UBA6: variants seen among roughly 807,000 people sequenced by gnomAD.
UBA6 encodes the protein ubiquitin-like modifier-activating enzyme 6.
A neutral mutation model predicts 148.3 loss-of-function variants in UBA6; 87 were observed. That is an observed-to-expected ratio of 0.59 (90% CI 0.49 to 0.70). The LOEUF (loss-of-function observed/expected upper bound fraction) is 0.70, where lower values mean the gene tolerates loss of function less well. Ranked by LOEUF, UBA6 falls within the 30% of genes least tolerant of loss-of-function variation. UBA6 has a pLI of 0.00. For synonymous variants in UBA6, 376 were observed against 401.0 expected (o/e 0.94, Z 0.75); for missense variants, 1,186 against 1,241.2 (o/e 0.96, Z 0.67).
chr4:67,681,524 G>A (rs1027759864), intron 4 of UBA6, 39 bp downstream of exon 4: 7 of 1,437,886 alleles, frequency 4.9e-6, no homozygotes, highest in Non-Finnish European at 6.6e-6. Flanking sequence ...CAAAAAAAAA[G>A]GCTCATAACA....
chr4:67,633,224 C>T (rs1729042146), intron 23 of UBA6, 121 bp downstream of exon 23: 9 of 855,678 alleles, frequency 1.1e-5, no homozygotes, highest in Non-Finnish European at 1.5e-5. Context: ...TAACTTACTA[C>T]TAATTTCTGA....
chr4:67,677,527 G>A, intron 6 of UBA6, 84 bp downstream of exon 6: 1 of 631,348 alleles, frequency 1.6e-6, no homozygotes, highest in Non-Finnish European at 2.7e-6. Context: ...CAATACACTA[G>A]GTTAAATTAG....
chr4:67,677,329 A>G (rs1409461764), intron 6 of UBA6, among the ~76,000 whole-genome samples: 1 of 152,208 alleles, frequency 6.6e-6, no homozygotes, highest in African/African-American at 2.4e-5. Flanking sequence ...TCAGGTACAC[A>G]GGAAAGAAAT....
intron 1 of UBA6, among the ~76,000 whole-genome samples, chr4:67,696,944 T>G (rs1307323170): frequency 6.6e-6 from 1 of 152,162 alleles, no homozygotes; most frequent in Non-Finnish European, 1.5e-5. Context: ...AGATCTCAGG[T>G]GTTGTTTTAT....
intron 6 of UBA6, among the ~76,000 whole-genome samples, chr4:67,675,933 G>A (rs1730268244): frequency 6.6e-6 from 1 of 151,500 alleles, no homozygotes; most frequent in Non-Finnish European, 1.5e-5. Flanking sequence ...CTGTAACTTA[G>A]TTGAGGGTAT....
intron 27 of UBA6, 44 bp downstream of exon 27, chr4:67,629,027 A>C (rs922542835): frequency 7.1e-7 from 1 of 1,403,996 alleles, no homozygotes; most frequent in Non-Finnish European, 1.0e-6. Flanking sequence ...GTACAAGTCC[A>C]AATTCCCAAA....
chr4:67,674,846 A>G (rs1210217010), intron 6 of UBA6, among the ~76,000 whole-genome samples: 1 of 151,804 alleles, frequency 6.6e-6, no homozygotes, highest in African/African-American at 2.4e-5. Flanking sequence ...ACTTGTCCAT[A>G]ATATTTTCTC....
chr4:67,698,954 C>A (rs1342022442), intron 1 of UBA6, among the ~76,000 whole-genome samples: 1 of 151,960 alleles, frequency 6.6e-6, no homozygotes, highest in Non-Finnish European at 1.5e-5. Flanking sequence ...GAGCAAGACT[C>A]TGTCAAAAAA....
At chr4:67,668,867 AAATG>A (rs1397926758) in intron 8 of UBA6, among the ~76,000 whole-genome samples, 193 bp from the exon 9 acceptor site, 6 of 152,360 alleles carry the variant, frequency 3.9e-5, no homozygotes, top group African/African-American at 1.4e-4. Context: ...ACTATTTTTT[AAATG>A]AATGCTGAAA....
chr4:67,643,143 GTA>G (rs1235869282), intron 17 of UBA6, among the ~76,000 whole-genome samples: 1 of 151,578 alleles, frequency 6.6e-6, no homozygotes, highest in Non-Finnish European at 1.5e-5. Context: ...CATGGCACAA[GTA>G]TATATATGTA....
intron 20 of UBA6, 66 bp from the exon 21 acceptor site, chr4:67,634,584 C>A: frequency 2.5e-6 from 3 of 1,216,224 alleles, no homozygotes; most frequent in South Asian, 1.7e-5. Context: ...TTGATTTAAT[C>A]TAGTTTTGAG....
chr4:67,626,728 T>A (rs1041469616), intron 27 of UBA6, among the ~76,000 whole-genome samples: 4 of 151,912 alleles, frequency 2.6e-5, no homozygotes, highest in East Asian at 1.9e-4. Context: ...TCTTTATGTA[T>A]CTTGTTCACT....
intron 3 of UBA6, 31 bp downstream of exon 3, chr4:67,682,088 G>A: frequency 8.1e-7 from 1 of 1,231,140 alleles, no homozygotes; most frequent in Non-Finnish European, 1.2e-6. Flanking sequence ...GCTCAAAAGT[G>A]TCAAAAATTA....
rs756660260 is a variant in UBA6, at chr4:67,634,261, G to C, written c.1994C>G (p.Ser665Cys). Reference sequence around the variant, plus strand: ...TTTTACCTGTAAGACTTCTTCTGCAGATGAATAGGTTTGCCAAAATTTGTT... The same window carrying C: ...TTTTACCTGTAAGACTTCTTCTGCACATGAATAGGTTTGCCAAAATTTGTT... ...LFNKFWQTYS[S>C]AEEVLQKIQS... The change falls in exon 22 of 33, where the codon TCT (serine) becomes TGT (cysteine). Residue 665 changes from serine to cysteine, a missense_variant. Ser to Cys is a moderately radical substitution (Grantham distance 112, BLOSUM62 -1). Transcript: ENST00000322244. 2 of 1,596,032 alleles carry C rather than the reference G, an allele frequency of 1.3e-6. No individual in the cohort carries two copies. The highest frequency in any genetic ancestry group is 3.6e-5 in the Admixed American group (2 of 55,506).
intron 23 of UBA6, 142 bp downstream of exon 23, chr4:67,633,203 G>A (rs1729041482): frequency 1.6e-6 from 1 of 622,384 alleles, no homozygotes; most frequent in African/African-American, 1.9e-5. Flanking sequence ...AGATTAGCAT[G>A]TGTTCTCATT....
chr4:67,652,001 ATG>A (rs930928469), intron 13 of UBA6, among the ~76,000 whole-genome samples: 2 of 147,268 alleles, frequency 1.4e-5, no homozygotes, highest in African/African-American at 5.0e-5. Flanking sequence ...TTGTATGATC[ATG>A]TCTTTATCAA....
intron 1 of UBA6, among the ~76,000 whole-genome samples, chr4:67,697,679 A>G (rs1231818970): frequency 6.6e-6 from 1 of 152,128 alleles, no homozygotes; most frequent in African/African-American, 2.4e-5. Context: ...TCCATCTGAG[A>G]CCTGTTAGCT....
At chr4:67,636,487 CCCTGCCTGATTCTCCTGCCTCAG>C (rs1368947931) in intron 19 of UBA6, among the ~76,000 whole-genome samples, 1 of 152,236 alleles carries the variant, frequency 6.6e-6, no homozygotes, top group Non-Finnish European at 1.5e-5. Flanking sequence ...ACTGCAACCT[CCCTGCCTGATTCTCCTGCCTCAG>C]CCTGCCTAGT....
chr4:67,659,028 T>C (rs2109929443), intron 13 of UBA6, among the ~76,000 whole-genome samples: 1 of 152,358 alleles, frequency 6.6e-6, no homozygotes, highest in East Asian at 1.9e-4. Context: ...ATTTACTTTA[T>C]GTAAATTTCC....
Sources: allele counts gnomAD v4.1 joint callset (sites outside exome capture counted in the v4.1 genomes callset), GRCh38; gene constraint gnomAD v4.1.1; transcripts MANE v1.5; gene names NCBI Gene and HGNC (gene_info 2026-07-23, HGNC 2026-07-21).